The following TRPM3 variants were observed in gnomAD, a reference collection of about 807,000 sequenced individuals.
TRPM3 encodes transient receptor potential cation channel subfamily M member 3.
TRPM3 carries 77 observed loss-of-function variants against 181.2 expected under a neutral mutation model. The ratio of observed to expected loss-of-function variants is 0.42; its 90% CI spans 0.35 to 0.51. The LOEUF (loss-of-function observed/expected upper bound fraction) is 0.51. TRPM3 is among the 20% of genes least tolerant of loss of function. The probability of loss-of-function intolerance (pLI) is 0.01; values close to 1 mark genes in which losing one functional copy is unlikely to be tolerated. For missense variants in TRPM3, 1,759 were observed against 2,196.7 expected (o/e 0.80, Z 3.98); for synonymous variants, 745 against 796.4 (o/e 0.94, Z 1.09).
chr9:71,084,243 T>G (rs2064896878), intron 1 of TRPM3, among the ~76,000 whole-genome samples: 1 of 152,026 alleles, frequency 6.6e-6, no homozygotes, highest in Non-Finnish European at 1.5e-5. Flanking sequence ...ATTTTAACAA[T>G]GAGCCACGTA....
At chr9:71,022,648 T>C (rs959501965) in intron 1 of TRPM3, among the ~76,000 whole-genome samples, 1 of 152,028 alleles carries the variant, frequency 6.6e-6, no homozygotes, top group Non-Finnish European at 1.5e-5. Context: ...CAGTGAGTCA[T>C]GATGTCACCA....
chr9:70,945,697 T>C (rs1463900440), intron 1 of TRPM3, among the ~76,000 whole-genome samples: 1 of 152,178 alleles, frequency 6.6e-6, no homozygotes, highest in Non-Finnish European at 1.5e-5. Context: ...TATTGTAGCT[T>C]CATTACTTTG....
chr9:70,855,295 C>T (rs2095358026), intron 3 of TRPM3, among the ~76,000 whole-genome samples: 1 of 152,192 alleles, frequency 6.6e-6, no homozygotes, highest in Non-Finnish European at 1.5e-5. Flanking sequence ...AACAGACGGG[C>T]TGTTTCATTA....
At chr9:70,935,249 T>C (rs2096817218) in intron 1 of TRPM3, among the ~76,000 whole-genome samples, 1 of 152,154 alleles carries the variant, frequency 6.6e-6, no homozygotes, top group Non-Finnish European at 1.5e-5. Context: ...CTGTAATACT[T>C]ACTGGGTTGT....
chr9:71,111,662 C>T (rs1371200511), intron 1 of TRPM3, among the ~76,000 whole-genome samples: 1 of 152,158 alleles, frequency 6.6e-6, no homozygotes, highest in East Asian at 1.9e-4. Flanking sequence ...TTTCAACGAC[C>T]CTGCAAACTT....
chr9:70,753,504 G>A lies in TRPM3; in HGVS notation c.1272+8097C>T, dbSNP rs144587483. Among the ~76,000 whole-genome samples the A allele has an allele frequency of 9.8e-5, 15 of 152,288 alleles. No individual in the cohort carries two copies. The East Asian group carries it at 2.1e-3, about 22-fold the overall frequency. Reference sequence around the variant, plus strand: ...AATGACTCAGCTTTGGGAGTGGTACGAGAAGCATCAGGCACATAGAATAGA... The same window carrying A: ...AATGACTCAGCTTTGGGAGTGGTACAAGAAGCATCAGGCACATAGAATAGA... On this transcript the variant is annotated intron_variant, in intron 8 of 25. Coordinates refer to ENST00000677713, the MANE Select transcript of TRPM3 (RefSeq NM_001366145.2).
At chr9:70,617,605 T>C (rs545074734) in intron 17 of TRPM3, among the ~76,000 whole-genome samples, 2 of 152,226 alleles carry the variant, frequency 1.3e-5, no homozygotes, top group East Asian at 3.9e-4. Context: ...GGAAGGGTAA[T>C]GAGGCAAGAT....
chr9:71,156,376 G>GAC (rs71507025), intron 1 of TRPM3, among the ~76,000 whole-genome samples: 43,865 of 138,016 alleles, frequency 0.32, 7,323 homozygotes, highest in Non-Finnish European at 0.39. Context: ...ATATACTACA[G>GAC]ACACACACAC....
chr9:70,741,673 G>T (rs2074130716), intron 8 of TRPM3, among the ~76,000 whole-genome samples: 1 of 152,164 alleles, frequency 6.6e-6, no homozygotes, highest in South Asian at 2.1e-4. Context: ...GGCATTCATA[G>T]CAACCTGTAT....
intron 1 of TRPM3, among the ~76,000 whole-genome samples, chr9:71,399,532 T>TG (rs1005564693): frequency 9.4e-5 from 12 of 127,260 alleles, no homozygotes; most frequent in African/African-American, 3.9e-4. Context: ...TTTTGTTTTT[T>TG]TTTTTTTTTT....
At position 70,823,417 on chromosome 9, in the gene TRPM3, T is replaced by G. The variant is rs570337284; in HGVS notation, c.973+4430A>C. Among the ~76,000 whole-genome samples, 251 of 152,274 alleles carry G rather than the reference T, an allele frequency of 1.6e-3. 1 individual carries two copies. The highest frequency in any genetic ancestry group is 5.8e-3 in the African/African-American group (240 of 41,554). ...TACCAAGCTTTCCCCCGCTCCTCAC[T>G]GAACACCTGGTGGCTTAGTTCCTGC... On this transcript the variant is annotated intron_variant, in intron 6 of 25. Coordinates refer to ENST00000677713, the MANE Select transcript of TRPM3 (RefSeq NM_001366145.2).
intron 1 of TRPM3, among the ~76,000 whole-genome samples, chr9:71,443,132 G>T (rs1027510395): frequency 3.3e-5 from 5 of 151,922 alleles, no homozygotes; most frequent in Non-Finnish European, 7.4e-5. Flanking sequence ...GACCTATGAC[G>T]CAATCTCAGA....
At chr9:71,432,064 C>T (rs2093962535) in intron 1 of TRPM3, among the ~76,000 whole-genome samples, 1 of 152,158 alleles carries the variant, frequency 6.6e-6, no homozygotes, top group Non-Finnish European at 1.5e-5. Context: ...AAGGATTTTA[C>T]CCAGGAAGAA....
intron 1 of TRPM3, among the ~76,000 whole-genome samples, chr9:70,930,482 T>A (rs1341700972): frequency 2.0e-5 from 3 of 152,216 alleles, no homozygotes; most frequent in African/African-American, 7.2e-5. Context: ...AAAAATGTAA[T>A]ATGCATATTA....
intron 8 of TRPM3, among the ~76,000 whole-genome samples, chr9:70,740,147 A>T (rs996750953): frequency 3.3e-5 from 5 of 152,210 alleles, no homozygotes; most frequent in Admixed American, 1.3e-4. Flanking sequence ...ATTAATGTAC[A>T]CAAATCAGTA....
chr9:70,641,138 T>G lies in TRPM3; in HGVS notation c.1346-478A>C, dbSNP rs542870727. ...TGTGTGAAGGGAGGCAAAACTGGCC[T>G]GGTGAGCAGCATTGCTCTACCGTCT... On this transcript the variant is annotated intron_variant, in intron 9 of 25. Coordinates refer to ENST00000677713, the MANE Select transcript of TRPM3 (RefSeq NM_001366145.2). 3.8e-4 allele frequency among the ~76,000 whole-genome samples: 58 copies of G among 152,296 alleles called. 1 individual carries two copies. The East Asian group carries it at 0.011, about 28-fold the overall frequency.
chr9:70,576,814 C>T (rs1639619993), intron 22 of TRPM3, among the ~76,000 whole-genome samples: 1 of 152,120 alleles, frequency 6.6e-6, no homozygotes, highest in African/African-American at 2.4e-5. Flanking sequence ...CACCCGGCCG[C>T]TGCTATAGAT....
intron 22 of TRPM3, among the ~76,000 whole-genome samples, chr9:70,590,239 G>T (rs556711790): frequency 5.6e-4 from 85 of 151,926 alleles, no homozygotes; most frequent in Non-Finnish European, 1.1e-3. Flanking sequence ...CCTGACATTT[G>T]GTCCCAGTAA....
intron 1 of TRPM3, among the ~76,000 whole-genome samples, chr9:71,345,145 A>G (rs59993603): frequency 0.096 from 14,560 of 152,140 alleles, 1,179 homozygotes; most frequent in African/African-American, 0.22. Flanking sequence ...GTTGGTGGGA[A>G]TGTACATTAG....
Sources: gnomAD v4.1 joint callset for allele counts (sites outside exome capture counted in the v4.1 genomes callset) on GRCh38, gnomAD v4.1.1 for gene constraint, MANE v1.5 for transcripts, NCBI Gene and HGNC (gene_info 2026-07-23, HGNC 2026-07-21) for gene names.